The following MRPL44 variants were observed in gnomAD, a reference collection of about 807,000 sequenced individuals.
MRPL44 encodes mitochondrial ribosomal protein L44.
Under a neutral mutation model 25.9 loss-of-function variants are expected in MRPL44, and 21 were observed. That is an observed-to-expected ratio of 0.81 (90% CI 0.58 to 1.17). MRPL44 has a LOEUF of 1.17. Ranked by LOEUF, MRPL44 falls within the 50% of genes most tolerant of loss-of-function variation. The pLI, the probability that MRPL44 is intolerant of heterozygous loss-of-function variation, is 0.00. For missense variants in MRPL44, 410 were observed against 398.9 expected, an observed-to-expected ratio of 1.03 and a Z score of -0.24; for synonymous variants, 169 against 151.0, an observed-to-expected ratio of 1.12 and a Z score of -0.87.
chr2:223,957,455 A>T, upstream of MRPL44: 1 of 1,614,094 alleles, frequency 6.2e-7, no homozygotes, highest in Non-Finnish European at 8.5e-7. Context: ...TCCGTCTTCC[A>T]TCGTTTTCTC....
upstream of MRPL44, chr2:223,957,388 C>G (rs1296934701): frequency 1.3e-6 from 2 of 1,558,126 alleles, no homozygotes; most frequent in Admixed American, 3.4e-5. Flanking sequence ...CTTCGCGTTC[C>G]GCGTTCCGGG....
chr2:223,957,326 C>A (rs3738960), upstream of MRPL44: 5 of 976,100 alleles, frequency 5.1e-6, no homozygotes, highest in African/African-American at 3.2e-5. Flanking sequence ...GTCTCCGCCC[C>A]TGCCCTCTCT....
intron 3 of MRPL44, chr2:223,965,699 G>T (rs569557258): frequency 1.3e-5 from 2 of 152,042 alleles, no homozygotes; most frequent in Non-Finnish European, 1.5e-5. Flanking sequence ...TAAAGCAGAG[G>T]AATACCTACA....
At position 223,967,234 on chromosome 2, in the gene MRPL44, C is replaced by G; in HGVS notation, c.*200C>G. 2.2e-6 allele frequency: 1 copy of G among 464,630 alleles called. No individual in the cohort carries two copies. Among genetic ancestry groups the G allele is most frequent in the Non-Finnish European group, 3.6e-6 (1 of 274,104 alleles). The allele number at this position is 464,630 out of a possible 1,614,324, so 28.8% of individuals were successfully genotyped here. A position where few individuals can be genotyped will look rare whatever the true frequency, so the allele number is the denominator to read the frequency against. ...TTCTGAAATCTTGGTTTGATCAAATCTTTTTTTTTTTCTCTTGAGATGGAG... is the reference window on the plus strand; with the variant it reads ...TTCTGAAATCTTGGTTTGATCAAATGTTTTTTTTTTTCTCTTGAGATGGAG... On this transcript the variant is annotated 3_prime_UTR_variant, in exon 4 of 4. Coordinates refer to ENST00000258383, the MANE Select transcript of MRPL44 (RefSeq NM_022915.5).
upstream of MRPL44, among the ~76,000 whole-genome samples, chr2:223,953,422 C>T (rs1252301040): frequency 2.0e-5 from 3 of 147,374 alleles, no homozygotes; most frequent in African/African-American, 5.4e-5. Context: ...CATGAGCCAC[C>T]GTGCCAGCCC....
upstream of MRPL44, among the ~76,000 whole-genome samples, chr2:223,956,640 G>C (rs925039966): frequency 6.6e-6 from 1 of 152,190 alleles, no homozygotes. Context: ...GTGACTGCTG[G>C]GGACACAGAT....
rs1320391132 is a variant in MRPL44 at position 223,966,766 on chromosome 2, G to A, written c.828-97G>A. 4.7e-6 allele frequency: 5 copies of A among 1,054,446 alleles called. No homozygotes were observed. The Admixed American group carries it at 9.8e-5, about 21-fold the overall frequency. The allele number at this position is 1,054,446 out of a possible 1,614,324, so 65.3% of individuals were successfully genotyped here. On this transcript the variant is annotated intron_variant, in intron 3 of 3. Transcript: ENST00000258383. Reference sequence around the variant, plus strand: ...TGTGTTACTTCTAATGGGTATTATTGAAATAGATGTAGAAGGCATAATTGC... The same window carrying A: ...TGTGTTACTTCTAATGGGTATTATTAAAATAGATGTAGAAGGCATAATTGC...
upstream of MRPL44, chr2:223,957,457 C>T (rs889992828): frequency 1.9e-6 from 3 of 1,614,094 alleles, no homozygotes; most frequent in Non-Finnish European, 2.5e-6. Flanking sequence ...CGTCTTCCAT[C>T]GTTTTCTCTC....
upstream of MRPL44, among the ~76,000 whole-genome samples, chr2:223,952,913 G>A (rs1267246926): frequency 6.6e-6 from 1 of 152,126 alleles, no homozygotes; most frequent in Non-Finnish European, 1.5e-5. Flanking sequence ...TGTTTGATCA[G>A]TTAAACTCTT....
upstream of MRPL44, chr2:223,957,401 C>T: frequency 6.3e-7 from 1 of 1,583,868 alleles, no homozygotes; most frequent in Admixed American, 1.7e-5. Flanking sequence ...GTTCCGGGTT[C>T]CGGGGGAAGT....
chr2:223,954,569 A>T (rs1476139360), upstream of MRPL44, among the ~76,000 whole-genome samples: 1 of 152,334 alleles, frequency 6.6e-6, no homozygotes, highest in East Asian at 1.9e-4. Flanking sequence ...AAGACAGCTC[A>T]TTCATTCACA....
intron 2 of MRPL44, among the ~76,000 whole-genome samples, chr2:223,962,566 A>G (rs888377494): frequency 5.3e-5 from 8 of 152,238 alleles, no homozygotes; most frequent in Admixed American, 5.2e-4. Flanking sequence ...TATACAACAT[A>G]ATACTTTTTA....
At chr2:223,963,134 A>G (rs1689688630) in intron 2 of MRPL44, among the ~76,000 whole-genome samples, 1 of 152,194 alleles carries the variant, frequency 6.6e-6, no homozygotes, top group Admixed American at 6.5e-5. Flanking sequence ...TCTTACTAGT[A>G]GGAATATAAT....
intron 1 of MRPL44, 117 bp downstream of exon 1, chr2:223,957,768 A>G (rs1394541381): frequency 1.7e-6 from 2 of 1,202,550 alleles, no homozygotes; most frequent in East Asian, 2.6e-5. Context: ...GAAGTTTGCG[A>G]TGGAGACACC....
At chr2:223,951,828 C>G in the MRPL44 span, among the ~76,000 whole-genome samples, 1 of 152,156 alleles carries the variant, frequency 6.6e-6, no homozygotes, top group African/African-American at 2.4e-5. Flanking sequence ...ATCACCTCCT[C>G]TGACTCTAAA....
chr2:223,959,817 A>C lies in MRPL44; in HGVS notation c.463A>C (p.Asn155His). ...AGACATGCCCACTGAAGGCATAAAA[A>C]ATCTTGTTGACTTTCTCACTGGTGA... is the stretch of plus-strand genomic sequence containing the variant. ...YPDMPTEGIK[N>H]LVDFLTGEEV... Residue 155 changes from asparagine (N) to histidine (H), a missense_variant, in exon 2 of 4, where the codon AAT becomes CAT. Coordinates refer to ENST00000258383, the MANE Select transcript of MRPL44 (RefSeq NM_022915.5). 6.2e-7 allele frequency: 1 copy of C among 1,614,176 alleles called. No homozygotes were observed. The highest frequency in any genetic ancestry group is 8.5e-7 in the Non-Finnish European group (1 of 1,180,026).
At chr2:223,963,704 C>CCT (rs1471381457) in intron 2 of MRPL44, 52 bp from the exon 3 acceptor site, 3 of 1,191,348 alleles carry the variant, frequency 2.5e-6, no homozygotes, top group Non-Finnish European at 3.4e-6. Context: ...TTTGAATTGT[C>CCT]CTAATGTTCT....
intron 1 of MRPL44, among the ~76,000 whole-genome samples, chr2:223,958,475 T>G (rs1164494505): frequency 1.3e-5 from 2 of 152,216 alleles, no homozygotes; most frequent in Non-Finnish European, 2.9e-5. Context: ...AAAAATAAAA[T>G]CTCTTCTTAA....
At chr2:223,957,045 T>C (rs1225489583), upstream of MRPL44, among the ~76,000 whole-genome samples, 2 of 152,236 alleles carry the variant, frequency 1.3e-5, no homozygotes, top group East Asian at 1.9e-4. Context: ...ACTTGCTCAG[T>C]AGTGGCCTAG....
Sources: gnomAD v4.1 joint callset for allele counts (sites outside exome capture counted in the v4.1 genomes callset) on GRCh38, gnomAD v4.1.1 for gene constraint, MANE v1.5 for transcripts, NCBI Gene and HGNC (gene_info 2026-07-23, HGNC 2026-07-21) for gene names.